IL1RL1: variants seen among roughly 807,000 people sequenced by gnomAD.
IL1RL1 encodes interleukin-1 receptor-like 1.
Under a neutral mutation model 50.9 loss-of-function variants are expected in IL1RL1, and 32 were observed. The observed-to-expected ratio is 0.63, with a 90% CI of 0.47 to 0.84. The LOEUF (loss-of-function observed/expected upper bound fraction) is 0.84, where lower values mean the gene tolerates loss of function less well. Ranked by LOEUF, IL1RL1 falls within the 40% of genes least tolerant of loss-of-function variation. The pLI, the probability that IL1RL1 is intolerant of heterozygous loss-of-function variation, is 0.00. For missense variants in IL1RL1, 773 were observed against 662.9 expected (o/e 1.17, Z -1.82); for synonymous variants, 275 against 236.0 (o/e 1.17, Z -1.51).
chr2:102,327,996 C>T (rs528732392), intron 1 of IL1RL1, among the ~76,000 whole-genome samples: 5 of 152,332 alleles, frequency 3.3e-5, no homozygotes, highest in East Asian at 1.9e-4. Flanking sequence ...TCCTCCCTAA[C>T]GCATTTTATG....
chr2:102,350,745 C>T (rs896543052), intron 10 of IL1RL1, among the ~76,000 whole-genome samples: 22 of 68,524 alleles, frequency 3.2e-4, no homozygotes, highest in African/African-American at 1.6e-3. Context: ...TGCCTCTCCA[C>T]GTGGGGCTTC....
intron 1 of IL1RL1, among the ~76,000 whole-genome samples, chr2:102,316,946 G>A (rs561358938): frequency 2.0e-5 from 3 of 152,188 alleles, no homozygotes; most frequent in Admixed American, 6.5e-5. Flanking sequence ...TGTACAACTC[G>A]CTCAGCACTT....
intron 1 of IL1RL1, among the ~76,000 whole-genome samples, chr2:102,320,842 A>G (rs549197019): frequency 6.6e-6 from 1 of 152,292 alleles, no homozygotes; most frequent in East Asian, 1.9e-4. Context: ...ATCCCTTGCC[A>G]TTCTTAAGAG....
At chr2:102,339,285 G>T (rs1256038691) in intron 3 of IL1RL1, 1 of 441,040 alleles carries the variant, frequency 2.3e-6, no homozygotes, top group Non-Finnish European at 4.1e-6. Flanking sequence ...AGCTGACTTA[G>T]AGAAAAACCT....
chr2:102,327,416 T>C (rs1168388428), intron 1 of IL1RL1, among the ~76,000 whole-genome samples: 2 of 150,992 alleles, frequency 1.3e-5, no homozygotes, highest in Admixed American at 6.6e-5. Context: ...AGATCTAAAA[T>C]TGACACACTA....
intron 9 of IL1RL1, among the ~76,000 whole-genome samples, chr2:102,348,328 A>T (rs1020836699): frequency 6.6e-6 from 1 of 152,158 alleles, no homozygotes; most frequent in African/African-American, 2.4e-5. Context: ...CCCCGATAGG[A>T]TTGCTATTCC....
intron 1 of IL1RL1, among the ~76,000 whole-genome samples, chr2:102,316,462 C>T (rs1455829856): frequency 6.6e-6 from 1 of 152,146 alleles, no homozygotes; most frequent in Non-Finnish European, 1.5e-5. Flanking sequence ...CACAGTTGCT[C>T]AAGTTCCTGG....
At chr2:102,346,110 CATG>C in intron 8 of IL1RL1, 3 of 937,292 alleles carry the variant, frequency 3.2e-6, no homozygotes, top group Non-Finnish European at 3.8e-6. Context: ...ATTGAGTTGT[CATG>C]ATGAATTCTT....
chr2:102,351,903 G>A lies in IL1RL1; in HGVS notation c.1653G>A (p.Leu551=), dbSNP rs747726302. 3.2e-5 allele frequency: 51 copies of A among 1,610,066 alleles called. No homozygotes were observed. Among genetic ancestry groups the A allele is most frequent in the African/African-American group, 4.0e-5 (3 of 74,714 alleles). The change falls in exon 11 of 11, where the codon TTG becomes TTA. Residue 551 remains leucine, a synonymous_variant. Transcript: ENST00000233954. ...GAAAGGCCTCTAGTTTGACTCCCTT[G>A]GCTGCCCAGAAGCAATAGTGCCTGC... The part of the protein sequence containing the change: ...IPRKASSLTP[L]AAQKQ
Position 102,343,414 on chromosome 2 carries a change from A to C in IL1RL1, c.969A>C (p.Pro323=), listed in dbSNP as rs1342830039. The change falls in exon 8 of 11, where the codon CCA becomes CCC. Residue 323 remains proline, a splice_region_variant and synonymous_variant. Coordinates refer to ENST00000233954, the MANE Select transcript of IL1RL1 (RefSeq NM_016232.5). The part of the protein sequence containing the change: ...RHTVRLSRKN[P]IDHHSIYCII... The stretch of plus-strand genomic sequence containing the variant: ...CCGTAAGACTAAGTAGGAAAAATCC[A>C]AGTAAGGAGTGTTTCTGAGACTTTG... The C allele has an allele frequency of 6.2e-7, 1 of 1,614,224 alleles. No homozygotes were observed. Among genetic ancestry groups the C allele is most frequent in the East Asian group, 2.2e-5 (1 of 44,882 alleles).
At chr2:102,338,768 T>G in intron 2 of IL1RL1, 69 bp from the exon 3 acceptor site, 96 of 1,194,332 alleles carry the variant, frequency 8.0e-5, no homozygotes, top group Non-Finnish European at 1.0e-4. Context: ...AAGAAAATAT[T>G]GAGAGTATAA....
chr2:102,345,082 C>A, intron 8 of IL1RL1: 1 of 878,474 alleles, frequency 1.1e-6, no homozygotes, highest in Non-Finnish European at 1.4e-6. Context: ...TTCCTGGGTG[C>A]AGGCAAGAAG....
Position 102,347,975 on chromosome 2 carries a change from C to T in IL1RL1, c.1001C>T (p.Ala334Val), listed in dbSNP as rs1388826785. 1.3e-6 allele frequency: 2 copies of T among 1,552,392 alleles called. No homozygotes were observed. Among genetic ancestry groups the T allele is most frequent in the Non-Finnish European group, 1.8e-6 (2 of 1,123,986 alleles). Residue 334 changes from alanine to valine, a missense_variant, in exon 9 of 11, where the codon GCA becomes GTA. Ala to Val is a moderately conservative substitution (Grantham distance 64). Transcript: ENST00000233954. ...CATCATAGCATCTACTGCATAATTG[C>T]AGTATGTAGTGTATTTTTAATGCTA... is the stretch of plus-strand genomic sequence containing the variant. ...IDHHSIYCII[A>V]VCSVFLMLIN...
downstream of IL1RL1, chr2:102,352,075 T>C (rs1677952619): frequency 1.3e-6 from 1 of 759,270 alleles, no homozygotes; most frequent in African/African-American, 1.8e-5. Flanking sequence ...TTTCCCTGCT[T>C]CTGGGTGGAT....
In IL1RL1 at chr2:102,349,190, A is replaced by C. The variant is rs373904303; in HGVS notation, c.1229A>C (p.Glu410Ala). ...FVHQILPDVL[E>A]NKCGYTLCIY... The stretch of plus-strand genomic sequence containing the variant: ...CACCAGATTCTGCCTGATGTTCTTG[A>C]AAATAAATGTGGCTATACCTTATGC... Residue 410 changes from glutamate (E) to alanine (A), a missense_variant, in exon 10 of 11, where the codon GAA becomes GCA. Transcript: ENST00000233954. The C allele has an allele frequency of 9.9e-6, 16 of 1,613,886 alleles. No individual in the cohort carries two copies. Among genetic ancestry groups the C allele is most frequent in the Non-Finnish European group, 1.3e-5 (15 of 1,179,874 alleles).
chr2:102,332,094 G>T (rs1559599858), intron 1 of IL1RL1, among the ~76,000 whole-genome samples: 2 of 152,072 alleles, frequency 1.3e-5, no homozygotes, highest in Non-Finnish European at 2.9e-5. Flanking sequence ...ATGATAATAA[G>T]TAAACATTTC....
intron 1 of IL1RL1, among the ~76,000 whole-genome samples, chr2:102,314,453 A>G (rs963625767): frequency 6.6e-6 from 1 of 152,198 alleles, no homozygotes; most frequent in African/African-American, 2.4e-5. Flanking sequence ...AACACAGAAT[A>G]AAGATAGTGT....
intron 3 of IL1RL1, 101 bp downstream of exon 3, chr2:102,339,148 C>T (rs1390199695): frequency 6.6e-6 from 5 of 760,078 alleles, no homozygotes; most frequent in Non-Finnish European, 1.1e-5. Flanking sequence ...CTAGTCCTTT[C>T]TGGAACAGTT....
intron 8 of IL1RL1, chr2:102,343,664 C>T (rs573111461): frequency 7.2e-7 from 1 of 1,390,850 alleles, no homozygotes; most frequent in South Asian, 1.7e-5. Flanking sequence ...CTAGAACACT[C>T]AGCTGCTTCT....
Sources: allele counts gnomAD v4.1 joint callset (sites outside exome capture counted in the v4.1 genomes callset), GRCh38; gene constraint gnomAD v4.1.1; transcripts MANE v1.5; gene names NCBI Gene and HGNC (gene_info 2026-07-23, HGNC 2026-07-21).